The following MICAL3 variants were observed in gnomAD, a reference collection of about 807,000 sequenced individuals.
MICAL3 encodes the protein microtubule associated monooxygenase, calponin and LIM domain containing 3, also known as [F-actin]-monooxygenase MICAL3.
MICAL3 carries 62 observed loss-of-function variants against 207.4 expected under a neutral mutation model. The ratio of observed to expected loss-of-function variants is 0.30; its 90% confidence interval spans 0.24 to 0.37. MICAL3 has a LOEUF of 0.37. Among genes scored for constraint, MICAL3 ranks in the 10% least tolerant of loss-of-function variants. The pLI is 1.00. For synonymous variants in MICAL3, 1,077 were observed against 1,069.3 expected (o/e 1.01, Z -0.14); for missense variants, 2,368 against 2,635.6 (o/e 0.90, Z 2.22).
chr22:17,897,938 C>T (rs1930989312), intron 7 of MICAL3, among the ~76,000 whole-genome samples: 1 of 152,130 alleles, frequency 6.6e-6, no homozygotes, highest in Non-Finnish European at 1.5e-5. Flanking sequence ...GAAAGTGGGG[C>T]CTACGGTTTC....
intron 1 of MICAL3, among the ~76,000 whole-genome samples, chr22:17,928,246 T>C (rs1482557944): frequency 6.6e-6 from 1 of 152,068 alleles, no homozygotes; most frequent in Non-Finnish European, 1.5e-5. Context: ...GAGACCATCC[T>C]GGCTAACACG....
chr22:17,991,714 G>C (rs1300715011), intron 1 of MICAL3, among the ~76,000 whole-genome samples: 2 of 152,160 alleles, frequency 1.3e-5, no homozygotes, highest in African/African-American at 4.8e-5. Flanking sequence ...AAAGGTCTTA[G>C]AAAATAAAAG....
At position 17,821,420 on chromosome 22, in the gene MICAL3, C is replaced by A. The variant is rs760259053; in HGVS notation, c.3531+7G>T. The A allele has an allele frequency of 5.2e-6, 8 of 1,541,874 alleles. No homozygotes were observed. The South Asian group carries it at 7.2e-5, about 14-fold the overall frequency. Reference sequence around the variant, plus strand: ...TCTGTACCCCACAGCGAGCCCCAAACCCTTACCTCTGTTGAGGGGCTGTGG... The same window carrying A: ...TCTGTACCCCACAGCGAGCCCCAAAACCTTACCTCTGTTGAGGGGCTGTGG... On this transcript the variant is annotated splice_region_variant and intron_variant, in intron 25 of 31. Coordinates refer to ENST00000441493, the MANE Select transcript of MICAL3 (RefSeq NM_015241.3).
Position 17,852,152 on chromosome 22 carries a change from C to T in MICAL3, c.2606-10135G>A, listed in dbSNP as rs192411773. 2.6e-5 allele frequency among the ~76,000 whole-genome samples: 4 copies of T among 152,278 alleles called. No individual in the cohort carries two copies. In the East Asian group the frequency reaches 5.8e-4, roughly 22 times the overall value. ...GGATCCACAGAGACAAACCCACGTT[C>T]CAACAAAAGGCTTCTCTTAAATAGG... On this transcript the variant is annotated intron_variant, in intron 19 of 31. Coordinates refer to ENST00000441493, the MANE Select transcript of MICAL3 (RefSeq NM_015241.3).
intron 19 of MICAL3, chr22:17,861,140 A>G (rs1926477528): frequency 2.0e-6 from 2 of 985,286 alleles, no homozygotes; most frequent in South Asian, 9.4e-5. Context: ...GGACGTGGGA[A>G]GCAGTAAGAC....
chr22:17,950,195 T>C (rs1364448011), intron 1 of MICAL3, among the ~76,000 whole-genome samples: 3 of 147,874 alleles, frequency 2.0e-5, no homozygotes, highest in African/African-American at 7.8e-5. Flanking sequence ...AGAGTCTCGC[T>C]CTGTTACCCA....
chr22:17,849,298 A>T (rs1301469104), intron 19 of MICAL3, among the ~76,000 whole-genome samples: 1 of 152,226 alleles, frequency 6.6e-6, no homozygotes, highest in Non-Finnish European at 1.5e-5. Flanking sequence ...AGCTAAGGAT[A>T]ACCCTAGTCT....
At chr22:17,831,138 T>C (rs1219472296) in intron 21 of MICAL3, among the ~76,000 whole-genome samples, 1 of 152,038 alleles carries the variant, frequency 6.6e-6, no homozygotes, top group Non-Finnish European at 1.5e-5. Flanking sequence ...TCCACATCTA[T>C]CTTTTGGGGA....
intron 19 of MICAL3, chr22:17,863,529 T>G (rs1022017401): frequency 1.0e-6 from 1 of 985,440 alleles, no homozygotes; most frequent in African/African-American, 1.7e-5. Context: ...TCTTCAAGAT[T>G]GTAGAAGGTT....
chr22:17,887,045 C>T, intron 15 of MICAL3, 125 bp downstream of exon 15: 1 of 455,452 alleles, frequency 2.2e-6, no homozygotes, highest in Non-Finnish European at 3.8e-6. Flanking sequence ...AGAAAAAGCC[C>T]AACAGAAATT....
In MICAL3 at chr22:17,895,420, CACA is replaced by C; in HGVS notation, c.1323-13_1323-11del. Reference sequence around the variant, plus strand: ...CCTGTAAATACTTTCCCTGCAATAACACAACAATATACTCAGAATCGGGACCAG... The same window carrying C: ...CCTGTAAATACTTTCCCTGCAATAACACAATATACTCAGAATCGGGACCAG... On this transcript the variant is annotated splice_polypyrimidine_tract_variant and intron_variant, in intron 9 of 31. Coordinates refer to ENST00000441493, the MANE Select transcript of MICAL3 (RefSeq NM_015241.3). 1.2e-6 allele frequency: 2 copies of C among 1,613,352 alleles called. No homozygotes were observed. The highest frequency in any genetic ancestry group is 2.2e-5 in the South Asian group (2 of 90,968).
At chr22:17,850,573 G>A (rs9618144) in intron 19 of MICAL3, among the ~76,000 whole-genome samples, 9,044 of 151,648 alleles carry the variant, frequency 0.06, 414 homozygotes, top group African/African-American at 0.12. Context: ...CATCATGCCC[G>A]GCTAATTTTT....
At chr22:17,814,437 G>C (rs1242484282) in intron 27 of MICAL3, 1 of 152,106 alleles carries the variant, frequency 6.6e-6, no homozygotes, top group African/African-American at 2.4e-5. Flanking sequence ...CTACATAAAA[G>C]TACATTAACA....
chr22:17,816,729 G>A lies in MICAL3; in HGVS notation c.5406C>T (p.Asp1802=), dbSNP rs201187618. The A allele has an allele frequency of 1.4e-4, 214 of 1,552,790 alleles. 1 individual carries two copies. The highest frequency in any genetic ancestry group is 8.3e-4 in the Middle Eastern group (5 of 5,994). ...TCTGTGAGGACTTCTCAAGGACATC[G>A]TCGCTGGAGAGGTCTGAGTCCTCGG... ...SFSEDSDLSS[D]DVLEKSSQKS... Residue 1802 remains aspartate (D), a synonymous_variant, in exon 27 of 32, where the codon GAC becomes GAT. Coordinates refer to ENST00000441493, the MANE Select transcript of MICAL3 (RefSeq NM_015241.3).
intron 20 of MICAL3, among the ~76,000 whole-genome samples, chr22:17,836,937 TGCCCGGC>T (rs1384611566): frequency 3.7e-4 from 56 of 152,186 alleles, no homozygotes; most frequent in Non-Finnish European, 3.8e-4. Flanking sequence ...TGAGCCACTG[TGCCCGGC>T]CCCTGGGTGG....
In MICAL3 at chr22:17,807,109, G is replaced by C. The variant is rs144434163; in HGVS notation, c.5650+1735C>G. On this transcript the variant is annotated intron_variant, in intron 29 of 31. Coordinates refer to ENST00000441493, the MANE Select transcript of MICAL3 (RefSeq NM_015241.3). ...TGAAATGCGGTTATTCTGTCTGTGT[G>C]TTGAGATCTAATCCACTGCTTTCCA... is the stretch of plus-strand genomic sequence containing the variant. Among the ~76,000 whole-genome samples, 1,481 of 152,354 alleles carry C rather than the reference G, an allele frequency of 9.7e-3. 16 individuals carry two copies. The highest frequency in any genetic ancestry group is 0.044 in the Middle Eastern group (13 of 294).
At chr22:18,002,450 TG>T (rs1923101633) in intron 1 of MICAL3, among the ~76,000 whole-genome samples, 1 of 151,864 alleles carries the variant, frequency 6.6e-6, no homozygotes, top group African/African-American at 2.4e-5. Flanking sequence ...CTTACCAACA[TG>T]GTGAAACCCC....
intron 1 of MICAL3, chr22:18,001,173 T>C (rs1922959448): frequency 6.6e-6 from 1 of 151,820 alleles, no homozygotes; most frequent in Non-Finnish European, 1.5e-5. Flanking sequence ...GGACGCAGGG[T>C]TATAAGCGCA....
intron 29 of MICAL3, among the ~76,000 whole-genome samples, chr22:17,799,537 A>C (rs1047459910): frequency 6.6e-5 from 10 of 152,220 alleles, no homozygotes; most frequent in Non-Finnish European, 1.2e-4. Flanking sequence ...GTTGCTGACT[A>C]AGAAGGCACT....
Sources: gnomAD v4.1 joint callset for allele counts (sites outside exome capture counted in the v4.1 genomes callset) on GRCh38, gnomAD v4.1.1 for gene constraint, MANE v1.5 for transcripts, NCBI Gene and HGNC (gene_info 2026-07-23, HGNC 2026-07-21) for gene names.